TRPM6: variants seen among roughly 807,000 people sequenced by gnomAD.
The protein encoded by TRPM6 is channel kinase 2.
TRPM6 carries 111 observed loss-of-function variants against 247.6 expected under a neutral mutation model. The observed-to-expected ratio is 0.45, with a 90% CI of 0.38 to 0.52. TRPM6 has a LOEUF of 0.52. Ranked by LOEUF, TRPM6 falls within the 20% of genes least tolerant of loss-of-function variation. The probability of loss-of-function intolerance (pLI) is 0.00; values close to 1 mark genes in which losing one functional copy is unlikely to be tolerated. For synonymous variants in TRPM6, 892 were observed against 853.8 expected (o/e 1.04, Z -0.78); for missense variants, 2,126 against 2,421.5 (o/e 0.88, Z 2.56).
rs752093784 is a variant in TRPM6, at chr9:74,771,772, T to A, written c.3467A>T (p.Lys1156Ile). The change falls in exon 25 of 39, where the codon AAA becomes ATA. Residue 1156 changes from lysine (K) to isoleucine (I), a missense_variant. By Grantham distance (102) the Lys-to-Ile change is moderately radical. Transcript: ENST00000360774. ...LHDFEEQCVE[K>I]YFHEKMEDVN... is the part of the protein sequence containing the mutation. Reference sequence around the variant, plus strand: ...ATCTTCCATCTTCTCATGGAAGTATTTTTCCACGCACTGCTCCTCAAAATC... The same window carrying A: ...ATCTTCCATCTTCTCATGGAAGTATATTTCCACGCACTGCTCCTCAAAATC... 6.2e-7 allele frequency: 1 copy of A among 1,613,760 alleles called. No homozygotes were observed. The highest frequency in any genetic ancestry group is 1.1e-5 in the South Asian group (1 of 91,078).
rs1295192097 is a variant in TRPM6 at position 74,742,584 on chromosome 9, G to C, written c.5177C>G (p.Pro1726Arg). 1 of 1,613,890 alleles carries C rather than the reference G, an allele frequency of 6.2e-7. No individual in the cohort carries two copies. Among genetic ancestry groups the C allele is most frequent in the Non-Finnish European group, 8.5e-7 (1 of 1,179,936 alleles). ...NNLMRLSQTIPFTPVQLFAGE... is the reference protein window; with the variant it reads ...NNLMRLSQTIRFTPVQLFAGE... Reference sequence around the variant, plus strand: ...ACCAAACAGTTGGACTGGTGTAAATGGTATGGTCTGAGAAAGCCTCATTAA... The same window carrying C: ...ACCAAACAGTTGGACTGGTGTAAATCGTATGGTCTGAGAAAGCCTCATTAA... The change falls in exon 33 of 39, where the codon CCA becomes CGA. Residue 1726 changes from proline to arginine, a missense_variant. Physicochemically the swap from Pro to Arg is moderately radical, Grantham distance 103. This residue lies in a region of TRPM6 where 327 missense variants were observed against 397.7 expected (regional missense o/e 0.82). Transcript: ENST00000360774.
Position 74,735,128 on chromosome 9 carries a change from G to A in TRPM6, c.5777-2392C>T, listed in dbSNP as rs1825651237. Among the ~76,000 whole-genome samples the A allele has an allele frequency of 6.6e-5, 10 of 152,166 alleles. No individual in the cohort carries two copies. In the South Asian group the frequency reaches 2.1e-3, roughly 32 times the overall value. ...CCAGTTAACTCGGGAAGCTGAGGTA[G>A]GAGGATCGTTAGAGCCCAGGAGGTT... On this transcript the variant is annotated intron_variant, in intron 36 of 38. Transcript: ENST00000360774.
rs121912625 is a variant in TRPM6, at chr9:74,840,146, G to A, written c.422C>T (p.Ser141Leu). The change falls in exon 5 of 39, where the codon TCA (serine) becomes TTA (leucine). Residue 141 changes from serine (S) to leucine (L), a missense_variant. Ser to Leu is a moderately radical substitution (Grantham distance 145). Transcript: ENST00000360774. ...WKMELPKLVI[S>L]VHGGIQNFTM... ...AAAGTTCTGGATGCCCCCATGGACTGAGATCACAAGCTTGGGCAGTTCCAT... is the reference window on the plus strand; with the variant it reads ...AAAGTTCTGGATGCCCCCATGGACTAAGATCACAAGCTTGGGCAGTTCCAT... 6.2e-7 allele frequency: 1 copy of A among 1,613,940 alleles called. No individual in the cohort carries two copies. The highest frequency in any genetic ancestry group is 8.5e-7 in the Non-Finnish European group (1 of 1,179,846).
intron 5 of TRPM6, among the ~76,000 whole-genome samples, chr9:74,837,883 G>C (rs1465645194): frequency 6.6e-6 from 1 of 151,924 alleles, no homozygotes; most frequent in African/African-American, 2.4e-5. Flanking sequence ...CCCAGTAGCT[G>C]GGTCTACAGG....
chr9:74,763,647 AT>A (rs978843346), intron 25 of TRPM6, among the ~76,000 whole-genome samples: 8 of 152,148 alleles, frequency 5.3e-5, no homozygotes, highest in South Asian at 2.1e-4. Context: ...TAAAAAAAAA[AT>A]CTCTAACTCT....
chr9:74,745,970 CG>C (rs1563994321), intron 31 of TRPM6, among the ~76,000 whole-genome samples: 1 of 152,136 alleles, frequency 6.6e-6, no homozygotes, highest in Non-Finnish European at 1.5e-5. Context: ...TGGCCAGGCG[CG>C]GGGGCCCACG....
At chr9:74,729,662 C>T (rs1825456089) in intron 37 of TRPM6, among the ~76,000 whole-genome samples, 1 of 152,198 alleles carries the variant, frequency 6.6e-6, no homozygotes. Context: ...TAAGGAACCA[C>T]TTCAATAAGG....
intron 19 of TRPM6, among the ~76,000 whole-genome samples, chr9:74,790,976 T>C (rs1827879808): frequency 6.6e-6 from 1 of 152,216 alleles, no homozygotes. Context: ...ACATTGGCAG[T>C]ATTGCTTCTG....
intron 29 of TRPM6, among the ~76,000 whole-genome samples, 162 bp downstream of exon 29, chr9:74,752,115 A>C (rs996134681): frequency 4.6e-5 from 7 of 152,220 alleles, no homozygotes; most frequent in Non-Finnish European, 5.9e-5. Flanking sequence ...GATTGAAAAA[A>C]TAGAACAGAA....
At chr9:74,824,509 C>A (rs13299909) in intron 7 of TRPM6, among the ~76,000 whole-genome samples, 1 of 28,364 alleles carries the variant, frequency 3.5e-5, no homozygotes, top group Non-Finnish European at 7.4e-5. Flanking sequence ...ATGGCTTTTT[C>A]TGAAAAAAAA....
chr9:74,778,805 G>A (rs1007542722), intron 23 of TRPM6, among the ~76,000 whole-genome samples: 1 of 152,076 alleles, frequency 6.6e-6, no homozygotes, highest in African/African-American at 2.4e-5. Context: ...TGCCTGCTTG[G>A]GCAAGACTCA....
chr9:74,767,602 G>A (rs1457002999), intron 25 of TRPM6, among the ~76,000 whole-genome samples: 1 of 152,088 alleles, frequency 6.6e-6, no homozygotes, highest in Non-Finnish European at 1.5e-5. Flanking sequence ...CCTCAACAAA[G>A]ATGACAGTAT....
Position 74,768,073 on chromosome 9 carries a change from A to G in TRPM6, c.3536+3630T>C, listed in dbSNP as rs752636956. On this transcript the variant is annotated intron_variant, in intron 25 of 38. Transcript: ENST00000360774. The stretch of plus-strand genomic sequence containing the variant: ...AATCCCAAGAAAAGAATCCAAGAGA[A>G]AGACAATGCTTTATGATGGTTAATG... Among the ~76,000 whole-genome samples the G allele has an allele frequency of 1.0e-3, 155 of 152,234 alleles. 3 individuals are homozygous for G. The highest frequency in any genetic ancestry group is 2.4e-4 in the Non-Finnish European group (16 of 68,044).
intron 1 of TRPM6, among the ~76,000 whole-genome samples, chr9:74,860,877 C>T (rs1830672915): frequency 6.6e-6 from 1 of 152,006 alleles, no homozygotes; most frequent in Non-Finnish European, 1.5e-5. Context: ...TAAAAACAGC[C>T]GTGCATGGTG....
chr9:74,742,147 C>A (rs1266760682), intron 33 of TRPM6, among the ~76,000 whole-genome samples: 1 of 152,124 alleles, frequency 6.6e-6, no homozygotes, highest in Non-Finnish European at 1.5e-5. Flanking sequence ...TTAGTGTACA[C>A]AAAACAAAAT....
intron 16 of TRPM6, among the ~76,000 whole-genome samples, chr9:74,800,908 T>G (rs1200192644): frequency 2.6e-5 from 4 of 151,162 alleles, no homozygotes; most frequent in East Asian, 1.9e-4. Context: ...AAGTGTGTTT[T>G]TTTTTTTTTT....
At position 74,762,199 on chromosome 9, in the gene TRPM6, T is replaced by C; in HGVS notation, c.4472A>G (p.Gln1491Arg). 1 of 1,614,228 alleles carries C rather than the reference T, an allele frequency of 6.2e-7. No individual in the cohort carries two copies. The highest frequency in any genetic ancestry group is 8.5e-7 in the Non-Finnish European group (1 of 1,180,020). ...DSDSSRSEQHQKQAQDSSLSD... is the reference protein window; with the variant it reads ...DSDSSRSEQHRKQAQDSSLSD... ...TAGGGAGCTGTCCTGGGCCTGCTTC[T>C]GGTGCTGTTCACTCCGAGAGGAATC... Residue 1491 changes from glutamine (Q) to arginine (R), a missense_variant, in exon 26 of 39, where the codon CAG becomes CGG. Gln to Arg is a conservative substitution (Grantham distance 43, BLOSUM62 1). Coordinates refer to ENST00000360774, the MANE Select transcript of TRPM6 (RefSeq NM_017662.5).
chr9:74,863,915 A>G lies in TRPM6; in HGVS notation c.34-5167T>C, dbSNP rs182062711. Among the ~76,000 whole-genome samples the G allele has an allele frequency of 1.5e-3, 230 of 151,754 alleles. 1 individual carries two copies. The highest frequency in any genetic ancestry group is 5.4e-3 in the African/African-American group (223 of 41,266). ...TTTTTTTTTTAAAAAAACATCCACA[A>G]GTTTGCATGATTGGAGGTAAAGGGA... is the stretch of plus-strand genomic sequence containing the variant. On this transcript the variant is annotated intron_variant, in intron 1 of 38. Transcript: ENST00000360774.
At chr9:74,822,130 C>T (rs894662602) in intron 7 of TRPM6, among the ~76,000 whole-genome samples, 2 of 152,196 alleles carry the variant, frequency 1.3e-5, no homozygotes, top group Non-Finnish European at 2.9e-5. Context: ...TATTCCATTA[C>T]GGGAAACTCC....
Sources: allele counts gnomAD v4.1 joint callset (sites outside exome capture counted in the v4.1 genomes callset), GRCh38; gene constraint gnomAD v4.1.1; regional missense constraint gnomAD v4.1.1; transcripts MANE v1.5; gene names NCBI Gene and HGNC (gene_info 2026-07-23, HGNC 2026-07-21).